Variants in NRG3 observed in about 807,000 individuals in gnomAD.
The protein encoded by NRG3 is pro-neuregulin-3, membrane-bound isoform.
In NRG3, 31 loss-of-function variants were observed where a neutral mutation model predicts 66.9. The ratio of observed to expected loss-of-function variants is 0.46; its 90% CI spans 0.35 to 0.63. The LOEUF is 0.63. Ranked by LOEUF, NRG3 falls within the 20% of genes least tolerant of loss-of-function variation. The probability of loss-of-function intolerance (pLI) is 0.00; values close to 1 mark genes in which losing one functional copy is unlikely to be tolerated. For missense variants in NRG3, 910 were observed against 878.9 expected (o/e 1.04, Z -0.45); for synonymous variants, 393 against 359.4 (o/e 1.09, Z -1.06).
intron 1 of NRG3, among the ~76,000 whole-genome samples, chr10:82,349,349 T>TGG (rs1329863464): frequency 6.6e-6 from 1 of 151,752 alleles, no homozygotes; most frequent in Non-Finnish European, 1.5e-5. Flanking sequence ...GTGCCCCTGC[T>TGG]GGGGGGTGCC....
rs111945703 is a variant in NRG3 at position 82,435,743 on chromosome 10, G to A, written c.953+76875G>A. Among the ~76,000 whole-genome samples, 1,469 of 148,862 alleles carry A rather than the reference G, an allele frequency of 9.9e-3. 16 individuals carry two copies. The highest frequency in any genetic ancestry group is 0.016 in the Non-Finnish European group (1,078 of 67,290). On this transcript the variant is annotated intron_variant, in intron 2 of 8. Coordinates refer to ENST00000372141, the MANE Select transcript of NRG3 (RefSeq NM_001010848.4). The stretch of plus-strand genomic sequence containing the variant: ...CAGGAGCAGGATATTCAATTTCCAT[G>A]AAATTGTGTGGTTTTGAGTGAGTTT...
intron 2 of NRG3, among the ~76,000 whole-genome samples, chr10:82,457,555 G>A (rs1191114755): frequency 6.6e-6 from 1 of 152,122 alleles, no homozygotes; most frequent in East Asian, 1.9e-4. Flanking sequence ...GGACCCCTGT[G>A]TTAGACAATC....
chr10:82,938,818 A>G (rs547690002), intron 4 of NRG3, among the ~76,000 whole-genome samples: 1 of 152,306 alleles, frequency 6.6e-6, no homozygotes, highest in East Asian at 1.9e-4. Context: ...ATGAAATGTT[A>G]TTGTTCCAAG....
At chr10:82,390,348 G>C (rs1421727278) in intron 2 of NRG3, among the ~76,000 whole-genome samples, 1 of 151,936 alleles carries the variant, frequency 6.6e-6, no homozygotes, top group Non-Finnish European at 1.5e-5. Flanking sequence ...TTTTGTGGGG[G>C]GGCTGGGGTG....
At chr10:82,185,124 G>A (rs974797615) in intron 1 of NRG3, among the ~76,000 whole-genome samples, 6 of 152,054 alleles carry the variant, frequency 3.9e-5, no homozygotes, top group Admixed American at 1.3e-4. Context: ...AGCCCTGGGA[G>A]ATCCAGACTC....
At chr10:82,403,897 A>C (rs1213386732) in intron 2 of NRG3, among the ~76,000 whole-genome samples, 3 of 152,080 alleles carry the variant, frequency 2.0e-5, no homozygotes. Context: ...AAAACCCTCA[A>C]CCTCAACAAA....
intron 1 of NRG3, among the ~76,000 whole-genome samples, chr10:82,325,197 T>C (rs1198090047): frequency 1.3e-5 from 2 of 152,092 alleles, no homozygotes; most frequent in African/African-American, 4.8e-5. Flanking sequence ...CCTTTTTTTT[T>C]TGGAGACAGG....
intron 1 of NRG3, among the ~76,000 whole-genome samples, chr10:82,263,477 A>G (rs541586679): frequency 2.6e-5 from 4 of 152,266 alleles, no homozygotes. Context: ...TCTCTCAGTT[A>G]TGCTCCTACC....
At chr10:82,348,260 C>G (rs567381017) in intron 1 of NRG3, among the ~76,000 whole-genome samples, 1 of 152,118 alleles carries the variant, frequency 6.6e-6, no homozygotes, top group South Asian at 2.1e-4. Context: ...TAGGGCAGGC[C>G]TGGTGGTGAC....
chr10:82,145,012 C>T (rs533600340), intron 1 of NRG3, among the ~76,000 whole-genome samples: 1 of 152,344 alleles, frequency 6.6e-6, no homozygotes, highest in African/African-American at 2.4e-5. Context: ...TCCCTGTACA[C>T]ATGGGGCAGC....
intron 2 of NRG3, among the ~76,000 whole-genome samples, chr10:82,465,921 A>G (rs535095179): frequency 6.6e-6 from 1 of 152,264 alleles, no homozygotes; most frequent in African/African-American, 2.4e-5. Flanking sequence ...GTAAATACTC[A>G]GGGAACAGTC....
At chr10:82,187,775 T>C (rs966821892) in intron 1 of NRG3, among the ~76,000 whole-genome samples, 2 of 152,186 alleles carry the variant, frequency 1.3e-5, no homozygotes, top group Non-Finnish European at 2.9e-5. Context: ...TCGTATTCTA[T>C]AATTGACTAT....
At chr10:81,888,334 T>C (rs1325897819) in intron 1 of NRG3, among the ~76,000 whole-genome samples, 1 of 152,138 alleles carries the variant, frequency 6.6e-6, no homozygotes, top group African/African-American at 2.4e-5. Context: ...GCGACACTTT[T>C]CACATATCTT....
At chr10:81,909,214 A>G (rs999500157) in intron 1 of NRG3, among the ~76,000 whole-genome samples, 6 of 151,964 alleles carry the variant, frequency 3.9e-5, no homozygotes, top group East Asian at 1.9e-4. Context: ...TTGTGCATCT[A>G]TGTTTCTATG....
chr10:82,527,807 T>A (rs1039999018), intron 2 of NRG3, among the ~76,000 whole-genome samples: 11 of 152,168 alleles, frequency 7.2e-5, no homozygotes, highest in Non-Finnish European at 5.9e-5. Flanking sequence ...CCTCTCTCCG[T>A]CTCTCCTTTC....
chr10:82,390,779 G>A (rs987343517), intron 2 of NRG3, among the ~76,000 whole-genome samples: 5 of 152,110 alleles, frequency 3.3e-5, no homozygotes, highest in African/African-American at 1.2e-4. Flanking sequence ...TTTGCATTCA[G>A]GTTGTAATTA....
chr10:82,768,670 C>T (rs2059606358), intron 3 of NRG3, among the ~76,000 whole-genome samples: 1 of 152,098 alleles, frequency 6.6e-6, no homozygotes, highest in African/African-American at 2.4e-5. Context: ...TCACTGATAG[C>T]AATTCATGTT....
chr10:82,209,654 A>G (rs747618306), intron 1 of NRG3, among the ~76,000 whole-genome samples: 9 of 152,170 alleles, frequency 5.9e-5, no homozygotes, highest in Non-Finnish European at 1.2e-4. Context: ...GGGTGCTTTC[A>G]CAGTGTAAAT....
intron 2 of NRG3, among the ~76,000 whole-genome samples, chr10:82,724,003 A>C (rs965536098): frequency 6.6e-6 from 1 of 151,936 alleles, no homozygotes; most frequent in Non-Finnish European, 1.5e-5. Context: ...TAAATAAAAA[A>C]AATTTAAAAA....
Sources: gnomAD v4.1 joint callset for allele counts (sites outside exome capture counted in the v4.1 genomes callset) on GRCh38, gnomAD v4.1.1 for gene constraint, MANE v1.5 for transcripts, NCBI Gene and HGNC (gene_info 2026-07-23, HGNC 2026-07-21) for gene names.